DIP2C: variants seen among roughly 807,000 people sequenced by gnomAD.
The protein encoded by DIP2C is DIP2 acetate--CoA ligase C (putative), also known as disco-interacting protein 2 homolog C.
A neutral mutation model predicts 192.4 loss-of-function variants in DIP2C; 33 were observed. The ratio of observed to expected loss-of-function variants is 0.17; its 90% CI spans 0.13 to 0.23. The LOEUF is 0.23. Among genes scored for constraint, DIP2C ranks in the 10% least tolerant of loss-of-function variants. The pLI is 1.00. For missense variants in DIP2C, 1,537 were observed against 2,110.1 expected (o/e 0.73, Z 5.32); for synonymous variants, 979 against 864.1 (o/e 1.13, Z -2.33).
At chr10:321,275 G>A (rs562885950) in intron 31 of DIP2C, among the ~76,000 whole-genome samples, 1 of 152,346 alleles carries the variant, frequency 6.6e-6, no homozygotes, top group African/African-American at 2.4e-5. Context: ...GCACTGCTCA[G>A]GAGCACCGGT....
intron 10 of DIP2C, among the ~76,000 whole-genome samples, chr10:396,936 CCAAG>C (rs1400620848): frequency 1.3e-5 from 2 of 152,084 alleles, no homozygotes; most frequent in Non-Finnish European, 2.9e-5. Context: ...ACTCAGGAGG[CCAAG>C]CATGAACCTC....
At chr10:446,014 T>TC (rs1411994563) in intron 3 of DIP2C, among the ~76,000 whole-genome samples, 2 of 116,174 alleles carry the variant, frequency 1.7e-5, no homozygotes, top group East Asian at 4.3e-4. Flanking sequence ...GTGAAGAGTC[T>TC]ATCTTGCACT....
intron 9 of DIP2C, among the ~76,000 whole-genome samples, chr10:406,252 G>T (rs1365831166): frequency 6.6e-6 from 1 of 152,188 alleles, no homozygotes; most frequent in South Asian, 2.1e-4. Flanking sequence ...CAAAATTTAC[G>T]ATTCTAACAA....
chr10:390,903 GC>G, intron 10 of DIP2C, 40 bp from the exon 11 acceptor site: 1 of 1,606,436 alleles, frequency 6.2e-7, no homozygotes, highest in Non-Finnish European at 8.5e-7. Flanking sequence ...TCCACGACCT[GC>G]CCCACTCCGC....
intron 17 of DIP2C, chr10:370,006 C>G (rs140381767): frequency 2.0e-6 from 2 of 985,454 alleles, no homozygotes; most frequent in African/African-American, 3.5e-5. Context: ...ACGGTCTGCT[C>G]TTCTAGTTTT....
At chr10:337,714 C>T (rs1260777768) in intron 29 of DIP2C, among the ~76,000 whole-genome samples, 1 of 141,740 alleles carries the variant, frequency 7.1e-6, no homozygotes, top group Non-Finnish European at 1.5e-5. Context: ...GTTGTGGAGG[C>T]CTAGGCTGAT....
intron 1 of DIP2C, among the ~76,000 whole-genome samples, chr10:618,279 G>C (rs1395973803): frequency 5.3e-5 from 8 of 152,088 alleles, no homozygotes; most frequent in African/African-American, 1.7e-4. Context: ...GTTTTTTTCT[G>C]GCATTAGATG....
chr10:301,413 G>C (rs1956040718), intron 32 of DIP2C, among the ~76,000 whole-genome samples: 1 of 152,196 alleles, frequency 6.6e-6, no homozygotes, highest in Admixed American at 6.5e-5. Context: ...GGGGAAGGTG[G>C]AGGGGGTCAG....
intron 1 of DIP2C, among the ~76,000 whole-genome samples, chr10:677,596 T>C (rs980991852): frequency 4.6e-5 from 7 of 152,206 alleles, no homozygotes; most frequent in Non-Finnish European, 1.0e-4. Flanking sequence ...GTCCCAGTTA[T>C]TATACATAGT....
chr10:558,511 G>A (rs1238494885), intron 1 of DIP2C, among the ~76,000 whole-genome samples: 12 of 152,154 alleles, frequency 7.9e-5, no homozygotes, highest in Admixed American at 7.2e-4. Flanking sequence ...GGGTGGAGGC[G>A]GGCGCCCAGC....
chr10:599,824 C>A (rs185567892), intron 1 of DIP2C, among the ~76,000 whole-genome samples: 2 of 152,206 alleles, frequency 1.3e-5, no homozygotes, highest in African/African-American at 2.4e-5. Flanking sequence ...TAAGCATGAA[C>A]AGACTTTCCT....
chr10:378,592 T>C (rs1168292787), intron 17 of DIP2C, among the ~76,000 whole-genome samples: 14 of 147,770 alleles, frequency 9.5e-5, no homozygotes, highest in Admixed American at 6.7e-4. Context: ...AACGCAGACA[T>C]AGACACACAT....
intron 24 of DIP2C, 44 bp downstream of exon 24, chr10:356,382 C>T: frequency 1.2e-6 from 2 of 1,602,776 alleles, no homozygotes; most frequent in Non-Finnish European, 8.5e-7. Context: ...CCAGGCTAGG[C>T]CCCTTGAGGC....
At chr10:522,954 G>A (rs114109431) in intron 1 of DIP2C, among the ~76,000 whole-genome samples, 216 of 149,996 alleles carry the variant, frequency 1.4e-3, no homozygotes, top group African/African-American at 4.8e-3. Flanking sequence ...TGACCAACAC[G>A]TTCATTTCTA....
chr10:635,977 G>T (rs931377586), intron 1 of DIP2C, among the ~76,000 whole-genome samples: 1 of 152,210 alleles, frequency 6.6e-6, no homozygotes, highest in Non-Finnish European at 1.5e-5. Flanking sequence ...CTGCACCCAA[G>T]TGAAGCCGTT....
intron 1 of DIP2C, among the ~76,000 whole-genome samples, chr10:678,837 G>C (rs377552607): frequency 5.6e-5 from 2 of 35,684 alleles, no homozygotes; most frequent in African/African-American, 1.2e-4. Context: ...CCCCACACCC[G>C]TGCTCCCCGC....
At chr10:604,874 G>GA (rs1426529791) in intron 1 of DIP2C, among the ~76,000 whole-genome samples, 1 of 152,150 alleles carries the variant, frequency 6.6e-6, no homozygotes, top group East Asian at 1.9e-4. Flanking sequence ...TTTCCACTCT[G>GA]ACCTCGGCTG....
intron 16 of DIP2C, among the ~76,000 whole-genome samples, chr10:383,358 A>C (rs1396167867): frequency 6.6e-6 from 1 of 152,210 alleles, no homozygotes; most frequent in African/African-American, 2.4e-5. Flanking sequence ...TGAACGTTGC[A>C]TGTTTCATAA....
chr10:537,252 C>G (rs2130885372), intron 1 of DIP2C, among the ~76,000 whole-genome samples: 1 of 152,240 alleles, frequency 6.6e-6, no homozygotes, highest in East Asian at 1.9e-4. Context: ...GCAGTGGGAT[C>G]TAGAGCCCTG....
Sources: allele counts gnomAD v4.1 joint callset (sites outside exome capture counted in the v4.1 genomes callset), GRCh38; gene constraint gnomAD v4.1.1; transcripts MANE v1.5; gene names NCBI Gene and HGNC (gene_info 2026-07-23, HGNC 2026-07-21).